The following FANCA variants were observed in gnomAD, a reference collection of about 807,000 sequenced individuals.
FANCA encodes the protein Fanconi anemia group A protein.
FANCA carries 236 observed loss-of-function variants against 194.3 expected under a neutral mutation model. The ratio of observed to expected loss-of-function variants is 1.21; its 90% CI spans 1.09 to 1.35. The LOEUF (loss-of-function observed/expected upper bound fraction) is 1.35, where lower values mean the gene tolerates loss of function less well. Among genes scored for constraint, FANCA ranks in the 40% most tolerant of loss-of-function variants. FANCA has a pLI of 0.00. For synonymous variants in FANCA, 1,014 were observed against 715.8 expected, an observed-to-expected ratio of 1.42 and a Z score of -6.65; for missense variants, 2,628 against 1,813.9, an observed-to-expected ratio of 1.45 and a Z score of -8.15.
intron 11 of FANCA, among the ~76,000 whole-genome samples, chr16:89,794,482 G>C (rs2040177832): frequency 6.6e-6 from 1 of 152,144 alleles, no homozygotes; most frequent in Admixed American, 6.6e-5. Context: ...GTTGCAGTGA[G>C]CTGAGATCGC....
Position 89,791,985 on chromosome 16 carries a change from C to G in FANCA, c.1167G>C (p.Val389=). Residue 389 remains valine, a synonymous_variant, in exon 13 of 43, where the codon GTG becomes GTC. Transcript: ENST00000389301. ...CAACCAGGGCAGACACAAAGGAGAG[C>G]ACTCTCTGCCAGTGAACCTCCTGCG... ...LETQEVHWQR[V]LSFVSALVVC... 6.2e-7 allele frequency: 1 copy of G among 1,614,186 alleles called. No individual in the cohort carries two copies. Among genetic ancestry groups the G allele is most frequent in the Non-Finnish European group, 8.5e-7 (1 of 1,180,020 alleles).
rs1567617984 is a variant in FANCA, at chr16:89,769,822, G to A, written c.2504+15C>T. Reference sequence around the variant, plus strand: ...GAGAGAGGAGAGAAGACGCGACTGTGGAAGAAGAGCTCACTTCAGGCAGAA... The same window carrying A: ...GAGAGAGGAGAGAAGACGCGACTGTAGAAGAAGAGCTCACTTCAGGCAGAA... On this transcript the variant is annotated intron_variant, in intron 26 of 42. Coordinates refer to ENST00000389301, the MANE Select transcript of FANCA (RefSeq NM_000135.4). The A allele has an allele frequency of 1.2e-6, 2 of 1,613,768 alleles. No individual in the cohort carries two copies. Among genetic ancestry groups the A allele is most frequent in the East Asian group, 2.2e-5 (1 of 44,862 alleles).
intron 36 of FANCA, 30 bp downstream of exon 36, chr16:89,744,929 G>T: frequency 6.3e-7 from 1 of 1,597,242 alleles, no homozygotes; most frequent in South Asian, 1.1e-5. Context: ...CATCTGGGCG[G>T]GCACACCCCA....
At chr16:89,745,935 C>A (rs564381982) in intron 35 of FANCA, among the ~76,000 whole-genome samples, 2 of 152,306 alleles carry the variant, frequency 1.3e-5, no homozygotes, top group South Asian at 2.1e-4. Context: ...AGCTACAACT[C>A]GGTGCAAATG....
chr16:89,747,618 G>A (rs573937632), intron 33 of FANCA, among the ~76,000 whole-genome samples: 1 of 152,256 alleles, frequency 6.6e-6, no homozygotes, highest in African/African-American at 2.4e-5. Flanking sequence ...AGAATCGCTT[G>A]AACCTGGGAG....
At chr16:89,775,560 G>C (rs928632611) in intron 21 of FANCA, among the ~76,000 whole-genome samples, 182 bp downstream of exon 21, 2 of 152,256 alleles carry the variant, frequency 1.3e-5, no homozygotes, top group East Asian at 3.8e-4. Context: ...CCCCAGGTAA[G>C]AGTCTGTGCC....
Position 89,815,987 on chromosome 16 carries a change from C to G in FANCA, c.80-1G>C, listed in dbSNP as rs751076878. On this transcript the variant is annotated splice_acceptor_variant, in intron 1 of 42. Transcript: ENST00000389301. LOFTEE classifies it high-confidence loss of function. ...TATTTTTCCCTCTTGACCCTTCCCG[C>G]TACGGAGAGAAGTCGGTTCGAAACC... 1 of 1,611,574 alleles carries G rather than the reference C, an allele frequency of 6.2e-7. No homozygotes were observed. The highest frequency in any genetic ancestry group is 8.5e-7 in the Non-Finnish European group (1 of 1,177,744).
intron 33 of FANCA, among the ~76,000 whole-genome samples, chr16:89,747,483 G>A (rs899982526): frequency 5.9e-5 from 9 of 152,154 alleles, no homozygotes; most frequent in South Asian, 2.1e-4. Flanking sequence ...GGTGGATCAC[G>A]AGGTCAGGAG....
At chr16:89,772,033 C>T (rs2039344344) in intron 22 of FANCA, among the ~76,000 whole-genome samples, 1 of 152,152 alleles carries the variant, frequency 6.6e-6, no homozygotes, top group Admixed American at 6.6e-5. Context: ...AGACGCCATC[C>T]ACTACCTTTT....
rs2040843511 is a variant in FANCA, at chr16:89,810,690, T to G, written c.522+17A>C. ...GCCTGGAACACTGGAGAGTCAGATT[T>G]GCAATCTCAAATTTACCTGTATTTT... On this transcript the variant is annotated intron_variant, in intron 5 of 42. Coordinates refer to ENST00000389301, the MANE Select transcript of FANCA (RefSeq NM_000135.4). 2.7e-6 allele frequency: 4 copies of G among 1,500,994 alleles called. No homozygotes were observed. Among genetic ancestry groups the G allele is most frequent in the South Asian group, 1.1e-5 (1 of 88,696 alleles). The allele number at this position is 1,500,994 out of a possible 1,614,324, so 93.0% of individuals were successfully genotyped here.
chr16:89,742,115 T>C (rs1249111937), intron 37 of FANCA, among the ~76,000 whole-genome samples: 1 of 151,970 alleles, frequency 6.6e-6, no homozygotes, highest in Admixed American at 6.6e-5. Context: ...GCTATGGGAT[T>C]GTAGGTGCGC....
intron 14 of FANCA, among the ~76,000 whole-genome samples, chr16:89,788,627 T>G (rs2143504172): frequency 6.6e-6 from 1 of 152,136 alleles, no homozygotes; most frequent in Middle Eastern, 3.4e-3. Flanking sequence ...TATGACATTG[T>G]ATTTACAAAA....
At chr16:89,799,461 A>C in intron 9 of FANCA, 144 bp downstream of exon 9, 1 of 1,000,412 alleles carries the variant, frequency 1.0e-6, no homozygotes, top group South Asian at 1.3e-5. Flanking sequence ...GAAAATGCCA[A>C]AACAAGGGCA....
intron 27 of FANCA, 45 bp from the exon 28 acceptor site, chr16:89,765,111 C>T: frequency 1.2e-6 from 2 of 1,604,654 alleles, no homozygotes; most frequent in Non-Finnish European, 1.7e-6. Context: ...GCGCAAGTTT[C>T]ACTGTGAGTG....
chr16:89,787,152 G>C (rs1189453426), intron 14 of FANCA, among the ~76,000 whole-genome samples: 3 of 152,190 alleles, frequency 2.0e-5, no homozygotes, highest in Non-Finnish European at 4.4e-5. Flanking sequence ...TTAATGGCTG[G>C]GTGCAGTGGC....
chr16:89,774,754 A>AAAAAAAAAAAACC (rs34932314), intron 21 of FANCA, among the ~76,000 whole-genome samples: 1 of 145,718 alleles, frequency 6.9e-6, no homozygotes, highest in Non-Finnish European at 1.5e-5. Context: ...AAAAAAAAAA[A>AAAAAAAAAAAACC]TCTCAACGAG....
At chr16:89,742,097 C>T (rs1188405221) in intron 37 of FANCA, among the ~76,000 whole-genome samples, 2 of 152,080 alleles carry the variant, frequency 1.3e-5, no homozygotes, top group African/African-American at 2.4e-5. Context: ...TCCTGAGTAG[C>T]TTTACAGGCT....
At position 89,742,929 on chromosome 16, in the gene FANCA, G is replaced by A. The variant is rs1233558307; in HGVS notation, c.3636C>T (p.Ser1212=). The change falls in exon 37 of 43, where the codon TCC becomes TCT. Residue 1212 remains serine, a synonymous_variant. Coordinates refer to ENST00000389301, the MANE Select transcript of FANCA (RefSeq NM_000135.4). Reference sequence around the variant, plus strand: ...TGGGTGCTGGGGAGGCAGCCTCAGGGGAGAGGAAACTGGGACAGAGAGAAC... The same window carrying A: ...TGGGTGCTGGGGAGGCAGCCTCAGGAGAGAGGAAACTGGGACAGAGAGAAC... ...EGRQFASDFL[S]PEAASPAPNP... The A allele has an allele frequency of 3.1e-6, 5 of 1,613,880 alleles. No homozygotes were observed. Among genetic ancestry groups the A allele is most frequent in the African/African-American group, 1.3e-5 (1 of 74,916 alleles).
Position 89,795,973 on chromosome 16 carries a change from T to C in FANCA, c.939A>G (p.Thr313=). ...GACTGAAGAACCTCTTCAGAGGATC[T>C]GTGGAAATTACACTGCCAAGCGTGT... ...SGHTLGSVIS[T]DPLKRFFSHT... is the part of the protein sequence containing the mutation. The change falls in exon 11 of 43, where the codon ACA becomes ACG. Residue 313 remains threonine (T), a synonymous_variant. Transcript: ENST00000389301. 3 of 1,614,208 alleles carry C rather than the reference T, an allele frequency of 1.9e-6. No homozygotes were observed. The highest frequency in any genetic ancestry group is 2.5e-6 in the Non-Finnish European group (3 of 1,180,024).
Sources: allele counts gnomAD v4.1 joint callset (sites outside exome capture counted in the v4.1 genomes callset), GRCh38; gene constraint gnomAD v4.1.1; transcripts MANE v1.5; gene names NCBI Gene and HGNC (gene_info 2026-07-23, HGNC 2026-07-21).